The following C16orf74 variants were observed in gnomAD, a reference collection of about 807,000 sequenced individuals.
C16orf74 encodes uncharacterized protein C16orf74.
A neutral mutation model predicts 6.5 loss-of-function variants in C16orf74; 10 were observed. That is an observed-to-expected ratio of 1.54 (90% CI 0.95 to 2.61). The LOEUF is 2.61. C16orf74 is among the 30% of genes most tolerant of loss of function. C16orf74 has a pLI of 0.00. For missense variants in C16orf74, 141 were observed against 105.9 expected (o/e 1.33, Z -1.45); for synonymous variants, 60 against 42.5 (o/e 1.41, Z -1.60).
chr16:85,715,310 C>T (rs939560292), intron 2 of C16orf74, among the ~76,000 whole-genome samples: 7 of 151,692 alleles, frequency 4.6e-5, no homozygotes, highest in Non-Finnish European at 7.4e-5. Flanking sequence ...AGACAATCTA[C>T]TGGGGCCGAG....
In C16orf74 at chr16:85,710,171, C is replaced by T; in HGVS notation, c.165G>A (p.Gly55=). The T allele has an allele frequency of 6.9e-7, 1 of 1,454,936 alleles. No individual in the cohort carries two copies. The highest frequency in any genetic ancestry group is 9.0e-7 in the Non-Finnish European group (1 of 1,112,146). The allele number at this position is 1,454,936 out of a possible 1,614,324, so 90.1% of individuals were successfully genotyped here. A position where few individuals can be genotyped will look rare whatever the true frequency, so the allele number is the denominator to read the frequency against. The change falls in exon 3 of 4, where the codon GGG becomes GGA. Residue 55 remains glycine (G), a synonymous_variant. Transcript: ENST00000284245. The part of the protein sequence containing the change: ...PTGMMLPRDL[G]STVWLDETGS... ...TGGAGGGGACGGCCTCACCTGTGCT[C>T]CCCAAGTCCCTCGGCAGCATCATGC...
chr16:85,745,139 TAAA>T (rs10554549), intron 1 of C16orf74, among the ~76,000 whole-genome samples: 2,356 of 50,802 alleles, frequency 0.046, 38 homozygotes, highest in African/African-American at 0.11. Context: ...AAACTCTGTC[TAAA>T]AAAAAAAAAA....
At chr16:85,741,669 A>G (rs183226620) in intron 1 of C16orf74, 130 of 170,510 alleles carry the variant, frequency 7.6e-4, no homozygotes, top group Non-Finnish European at 1.7e-3. Flanking sequence ...GACAGCACAA[A>G]GGCGGCAGGC....
chr16:85,742,593 C>T (rs557085089), intron 1 of C16orf74, among the ~76,000 whole-genome samples: 24 of 152,228 alleles, frequency 1.6e-4, no homozygotes, highest in African/African-American at 5.8e-4. Context: ...CCAGGCTAGA[C>T]TGCAATGGTG....
intron 2 of C16orf74, among the ~76,000 whole-genome samples, chr16:85,725,369 C>G (rs902740680): frequency 6.6e-6 from 1 of 152,196 alleles, no homozygotes; most frequent in African/African-American, 2.4e-5. Flanking sequence ...CCACCGCAGC[C>G]CCATCTGGAA....
intron 1 of C16orf74, among the ~76,000 whole-genome samples, chr16:85,749,025 C>G (rs766277981): frequency 6.7e-6 from 1 of 150,372 alleles, no homozygotes; most frequent in Non-Finnish European, 1.5e-5. Flanking sequence ...AGGTGATGCT[C>G]GTGCCTCACC....
intron 2 of C16orf74, among the ~76,000 whole-genome samples, chr16:85,729,371 AG>A (rs1388800522): frequency 1.3e-5 from 2 of 152,196 alleles, no homozygotes; most frequent in Non-Finnish European, 2.9e-5. Flanking sequence ...CCTTGAGCAG[AG>A]GGACTCTGCA....
intron 2 of C16orf74, among the ~76,000 whole-genome samples, chr16:85,718,673 C>T (rs1443673462): frequency 1.3e-5 from 2 of 152,342 alleles, no homozygotes; most frequent in South Asian, 2.1e-4. Flanking sequence ...CAATGCGGTG[C>T]GATGATTCTA....
intron 2 of C16orf74, among the ~76,000 whole-genome samples, chr16:85,732,224 C>A (rs924770114): frequency 2.0e-5 from 3 of 152,224 alleles, no homozygotes; most frequent in African/African-American, 7.2e-5. Context: ...CTGCTCACAC[C>A]TGGATGTCAC....
chr16:85,712,986 G>C (rs1275784440), intron 2 of C16orf74, among the ~76,000 whole-genome samples: 1 of 152,182 alleles, frequency 6.6e-6, no homozygotes, highest in Non-Finnish European at 1.5e-5. Flanking sequence ...CTCCAGAGGA[G>C]CCCCAGTGCC....
chr16:85,726,287 G>C (rs1367680706), intron 2 of C16orf74, among the ~76,000 whole-genome samples: 2 of 152,212 alleles, frequency 1.3e-5, no homozygotes, highest in Non-Finnish European at 1.5e-5. Flanking sequence ...GCTGCATCCC[G>C]AGGGCTGAGT....
At chr16:85,732,181 A>G (rs955738414) in intron 2 of C16orf74, among the ~76,000 whole-genome samples, 36 of 152,212 alleles carry the variant, frequency 2.4e-4, no homozygotes, top group African/African-American at 8.4e-4. Flanking sequence ...GGCAGGAAGG[A>G]GCCTCCTTAG....
chr16:85,726,822 G>A (rs988080683), intron 2 of C16orf74, among the ~76,000 whole-genome samples: 6 of 152,066 alleles, frequency 3.9e-5, no homozygotes, highest in African/African-American at 1.4e-4. Context: ...CGGCGTTGTG[G>A]CCCCTCCAGT....
intron 2 of C16orf74, among the ~76,000 whole-genome samples, chr16:85,719,787 G>A (rs1006904475): frequency 4.6e-5 from 7 of 150,984 alleles, no homozygotes; most frequent in African/African-American, 1.5e-4. Context: ...CAGGAACAGA[G>A]GGGCCACAGG....
At chr16:85,717,101 C>T (rs1384331385) in intron 2 of C16orf74, among the ~76,000 whole-genome samples, 1 of 152,198 alleles carries the variant, frequency 6.6e-6, no homozygotes, top group Non-Finnish European at 1.5e-5. Context: ...CCCCGCTCTG[C>T]GGCCATGCAC....
chr16:85,735,765 G>A (rs1024446698), intron 1 of C16orf74, among the ~76,000 whole-genome samples: 1 of 151,272 alleles, frequency 6.6e-6, no homozygotes, highest in Admixed American at 6.6e-5. Context: ...CCCAGCCCAC[G>A]GGTATTAGAA....
In C16orf74 at chr16:85,710,204, G is replaced by A; in HGVS notation, c.132C>T (p.Thr44=). ...DVPDIIITPP[T]PTGMMLPRDL... is the part of the protein sequence containing the mutation. ...CCCTCGGCAGCATCATGCCCGTGGG[G>A]GTGGGGGGCGTGATGATGATGTCGG... Residue 44 remains threonine, a synonymous_variant, in exon 3 of 4, where the codon ACC becomes ACT. Coordinates refer to ENST00000284245, the MANE Select transcript of C16orf74 (RefSeq NM_206967.3). 1.3e-6 allele frequency: 2 copies of A among 1,496,108 alleles called. No individual in the cohort carries two copies. The highest frequency in any genetic ancestry group is 1.8e-6 in the Non-Finnish European group (2 of 1,134,366). The allele number at this position is 1,496,108 out of a possible 1,614,324, so 92.7% of individuals were successfully genotyped here.
chr16:85,714,734 C>A (rs1049918458), intron 2 of C16orf74, among the ~76,000 whole-genome samples: 4 of 151,692 alleles, frequency 2.6e-5, no homozygotes, highest in African/African-American at 9.7e-5. Flanking sequence ...GACTCTTGGC[C>A]CCCGACTGCT....
intron 2 of C16orf74, among the ~76,000 whole-genome samples, chr16:85,733,982 T>G (rs2054218021): frequency 6.6e-6 from 1 of 152,298 alleles, no homozygotes; most frequent in East Asian, 1.9e-4. Context: ...TGGAGCGGAT[T>G]CCTCCCAGCC....
Sources: gnomAD v4.1 joint callset for allele counts (sites outside exome capture counted in the v4.1 genomes callset) on GRCh38, gnomAD v4.1.1 for gene constraint, MANE v1.5 for transcripts, NCBI Gene and HGNC (gene_info 2026-07-23, HGNC 2026-07-21) for gene names.